Variants in RABGAP1L observed in about 807,000 individuals in gnomAD.
The protein encoded by RABGAP1L is RAB GTPase activating protein 1 like, also known as rab GTPase-activating protein 1-like.
A neutral mutation model predicts 137.7 loss-of-function variants in RABGAP1L; 63 were observed. That is an observed-to-expected ratio of 0.46 (90% CI 0.37 to 0.56). RABGAP1L has a LOEUF of 0.56. RABGAP1L is among the 20% of genes least tolerant of loss of function. RABGAP1L has a pLI of 0.00. For synonymous variants in RABGAP1L, 431 were observed against 433.7 expected (o/e 0.99, Z 0.08); for missense variants, 1,095 against 1,244.0 (o/e 0.88, Z 1.80).
chr1:174,297,362 G>A (rs753508756), intron 10 of RABGAP1L, among the ~76,000 whole-genome samples: 1 of 152,170 alleles, frequency 6.6e-6, no homozygotes, highest in Non-Finnish European at 1.5e-5. Context: ...AAAGGGGGAA[G>A]CAGGGACTCT....
chr1:174,645,718 C>T (rs1307244918), intron 14 of RABGAP1L, among the ~76,000 whole-genome samples: 1 of 152,014 alleles, frequency 6.6e-6, no homozygotes, highest in Non-Finnish European at 1.5e-5. Context: ...ATTTATAATC[C>T]TTTGGGTACA....
chr1:174,367,069 T>C (rs1445739729), intron 11 of RABGAP1L: 1 of 152,224 alleles, frequency 6.6e-6, no homozygotes. Context: ...TCAAACACAG[T>C]CGTCACACAA....
At chr1:174,237,329 A>T (rs1671296442) in intron 4 of RABGAP1L, among the ~76,000 whole-genome samples, 1 of 44,100 alleles carries the variant, frequency 2.3e-5, no homozygotes, top group Non-Finnish European at 4.3e-5. Flanking sequence ...TTAGCTGGTG[A>T]TTTTGCTCAT....
intron 11 of RABGAP1L, among the ~76,000 whole-genome samples, chr1:174,312,348 T>C (rs10912760): frequency 0.063 from 9,557 of 152,258 alleles, 978 homozygotes; most frequent in African/African-American, 0.21. Context: ...ATCAAAGATG[T>C]TGAGCATCTT....
At chr1:174,771,163 G>C (rs1025557874) in intron 18 of RABGAP1L, among the ~76,000 whole-genome samples, 1 of 152,202 alleles carries the variant, frequency 6.6e-6, no homozygotes, top group Non-Finnish European at 1.5e-5. Context: ...ATTTGAGGGG[G>C]ATGCGCAGGA....
intron 15 of RABGAP1L, among the ~76,000 whole-genome samples, chr1:174,688,675 T>C (rs1237793998): frequency 6.6e-6 from 1 of 152,114 alleles, no homozygotes. Flanking sequence ...ACTACTAAAA[T>C]GTCCAATATT....
At chr1:174,327,966 T>TATATATAC (rs1558135827) in intron 11 of RABGAP1L, among the ~76,000 whole-genome samples, 34 of 13,856 alleles carry the variant, frequency 2.5e-3, no homozygotes, top group African/African-American at 0.022. Flanking sequence ...AATATATATA[T>TATATATAC]ATATATATAT....
At chr1:174,764,265 G>A (rs570911657) in intron 18 of RABGAP1L, among the ~76,000 whole-genome samples, 1 of 152,204 alleles carries the variant, frequency 6.6e-6, no homozygotes, top group Non-Finnish European at 1.5e-5. Context: ...ATACTACTGT[G>A]AACATTTGTG....
intron 1 of RABGAP1L, among the ~76,000 whole-genome samples, chr1:174,160,496 A>G (rs949798691): frequency 6.6e-6 from 1 of 152,170 alleles, no homozygotes; most frequent in Non-Finnish European, 1.5e-5. Flanking sequence ...GATCTCTCAG[A>G]TAGGGTTATA....
At chr1:174,620,553 G>A (rs1341947065) in intron 13 of RABGAP1L, among the ~76,000 whole-genome samples, 1 of 152,070 alleles carries the variant, frequency 6.6e-6, no homozygotes, top group South Asian at 2.1e-4. Context: ...ATAACGAAAT[G>A]AAGGCAGAAA....
intron 10 of RABGAP1L, among the ~76,000 whole-genome samples, chr1:174,291,964 C>G (rs1676648996): frequency 6.7e-6 from 1 of 149,416 alleles, no homozygotes; most frequent in Admixed American, 6.7e-5. Context: ...ATTATTTTTC[C>G]TGCTTTGGGT....
Position 174,447,763 on chromosome 1 carries a change from TAAG to T in RABGAP1L, c.1710+53622_1710+53624del, listed in dbSNP as rs145217252. ...TTTAATTTTTCATAGTGCAAGATAA[TAAG>T]AAGTCTATTTTCTCTAGAAGTGCCT... On this transcript the variant is annotated intron_variant, in intron 13 of 25. Transcript: ENST00000681986. 5.2e-3 allele frequency among the ~76,000 whole-genome samples: 787 copies of T among 152,248 alleles called. 6 individuals carry two copies. Among genetic ancestry groups the T allele is most frequent in the African/African-American group, 0.015 (613 of 41,528 alleles).
chr1:174,467,927 G>A (rs968602842), intron 13 of RABGAP1L, among the ~76,000 whole-genome samples: 1 of 152,086 alleles, frequency 6.6e-6, no homozygotes, highest in African/African-American at 2.4e-5. Flanking sequence ...GGATCCATGA[G>A]TAAACTTGGC....
At chr1:174,885,652 G>A (rs1371234792) in intron 19 of RABGAP1L, among the ~76,000 whole-genome samples, 1 of 151,102 alleles carries the variant, frequency 6.6e-6, no homozygotes. Context: ...TACCACACCT[G>A]GCCTGGTTAA....
At chr1:174,919,247 A>G (rs1661421200) in intron 19 of RABGAP1L, among the ~76,000 whole-genome samples, 1 of 151,894 alleles carries the variant, frequency 6.6e-6, no homozygotes, top group African/African-American at 2.4e-5. Flanking sequence ...CGAACTCCCG[A>G]CCTCAGGCGA....
intron 11 of RABGAP1L, among the ~76,000 whole-genome samples, chr1:174,347,918 T>C (rs1256901630): frequency 6.6e-6 from 1 of 152,214 alleles, no homozygotes; most frequent in Non-Finnish European, 1.5e-5. Flanking sequence ...GTTTATTTCT[T>C]GTAGGCAACA....
At chr1:174,948,191 CAATAAT>C (rs918084764) in intron 19 of RABGAP1L, among the ~76,000 whole-genome samples, 3 of 151,784 alleles carry the variant, frequency 2.0e-5, no homozygotes, top group Non-Finnish European at 1.5e-5. Flanking sequence ...TGACTATAGT[CAATAAT>C]AATTAATTGT....
intron 13 of RABGAP1L, among the ~76,000 whole-genome samples, chr1:174,498,544 G>A: frequency 6.6e-6 from 1 of 151,822 alleles, no homozygotes; most frequent in Non-Finnish European, 1.5e-5. Flanking sequence ...GCCCAGGCTG[G>A]AGTGCAGTGG....
intron 1 of RABGAP1L, among the ~76,000 whole-genome samples, chr1:174,206,889 C>T (rs1206258878): frequency 6.7e-6 from 1 of 149,462 alleles, no homozygotes; most frequent in Non-Finnish European, 1.5e-5. Context: ...AATGATGTGG[C>T]ATTAAAGTAA....
Sources: allele counts gnomAD v4.1 joint callset (sites outside exome capture counted in the v4.1 genomes callset), GRCh38; gene constraint gnomAD v4.1.1; transcripts MANE v1.5; gene names NCBI Gene and HGNC (gene_info 2026-07-23, HGNC 2026-07-21).